The following AMBRA1 variants were observed in gnomAD, a reference collection of about 807,000 sequenced individuals.
The protein encoded by AMBRA1 is autophagy and beclin 1 regulator 1.
Under a neutral mutation model 125.4 loss-of-function variants are expected in AMBRA1, and 47 were observed. The ratio of observed to expected loss-of-function variants is 0.37; its 90% CI spans 0.30 to 0.48. The LOEUF (loss-of-function observed/expected upper bound fraction) is 0.48. Among genes scored for constraint, AMBRA1 ranks in the 20% least tolerant of loss-of-function variants. The pLI is 0.99. For missense variants in AMBRA1, 1,331 were observed against 1,693.4 expected (o/e 0.79, Z 3.76); for synonymous variants, 626 against 655.5 (o/e 0.95, Z 0.69).
chr11:46,458,545 T>C (rs764079041), intron 11 of AMBRA1, among the ~76,000 whole-genome samples: 1 of 152,244 alleles, frequency 6.6e-6, no homozygotes, highest in Admixed American at 6.5e-5. Context: ...CTTCTTGAGA[T>C]GGTGAACTCC....
At position 46,542,104 on chromosome 11, in the gene AMBRA1, G is replaced by C. The variant is rs563547277; in HGVS notation, c.1913C>G (p.Ala638Gly). 16 of 1,613,964 alleles carry C rather than the reference G, an allele frequency of 9.9e-6. No homozygotes were observed. The highest frequency in any genetic ancestry group is 1.4e-5 in the Non-Finnish European group (16 of 1,179,948). The change falls in exon 7 of 18, where the codon GCT (alanine) becomes GGT (glycine). Residue 638 changes from alanine (A) to glycine (G), a missense_variant. Physicochemically the swap from Ala to Gly is moderately conservative, Grantham distance 60 (BLOSUM62 0). Around this residue, in one of 4 missense-constraint regions of AMBRA1, gnomAD observed 689 missense variants for 776.5 expected, o/e 0.89. Transcript: ENST00000683756. This position sits in a 1 kb window ranked among gnomAD's most constrained non-coding sequence, Gnocchi z 5.9. ...SSSRLELSSS[A>G]SPQEERTVGV... The stretch of plus-strand genomic sequence containing the variant: ...CACAGTCCTCTCCTCCTGCGGACTA[G>C]CAGAGCTGCTCAACTCCAGCCTGCT...
chr11:46,470,248 C>A (rs1377468924), intron 11 of AMBRA1, among the ~76,000 whole-genome samples: 1 of 151,972 alleles, frequency 6.6e-6, no homozygotes, highest in Non-Finnish European at 1.5e-5. Context: ...CAAGACCAGC[C>A]TGAGCAACAT....
intron 1 of AMBRA1, among the ~76,000 whole-genome samples, chr11:46,577,707 T>C (rs1190082880): frequency 6.6e-6 from 1 of 151,888 alleles, no homozygotes; most frequent in Non-Finnish European, 1.5e-5. Context: ...TGCCAGCACT[T>C]TGGGAGGCCG....
chr11:46,434,879 G>C lies in AMBRA1; in HGVS notation c.2791C>G (p.Leu931Val), dbSNP rs1051125439. 1.2e-6 allele frequency: 2 copies of C among 1,613,080 alleles called. No individual in the cohort carries two copies. Among genetic ancestry groups the C allele is most frequent in the Non-Finnish European group, 8.5e-7 (1 of 1,179,598 alleles). The stretch of plus-strand genomic sequence containing the variant: ...CGCTTGGTGTAGAGCATTTCGCCCA[G>C]GTTATGGGGGGCCAGGGAGTACACT... ...LAVYSLAPHN[L>V]GEMLYTKRFG... The change falls in exon 13 of 18, where the codon CTG becomes GTG. Residue 931 changes from leucine to valine, a missense_variant. Transcript: ENST00000683756.
chr11:46,482,361 G>A (rs991214620), intron 11 of AMBRA1, among the ~76,000 whole-genome samples: 2 of 152,184 alleles, frequency 1.3e-5, no homozygotes, highest in African/African-American at 2.4e-5. Flanking sequence ...ATATTTCCAT[G>A]TCATTCCTTT....
chr11:46,514,569 C>A (rs931162785), intron 7 of AMBRA1, among the ~76,000 whole-genome samples: 6 of 152,178 alleles, frequency 3.9e-5, no homozygotes, highest in African/African-American at 1.2e-4. Flanking sequence ...TTCTAAGACA[C>A]ACTTTTCACC....
intron 17 of AMBRA1, among the ~76,000 whole-genome samples, chr11:46,398,295 T>C (rs1315560576): frequency 6.6e-6 from 1 of 152,148 alleles, no homozygotes; most frequent in African/African-American, 2.4e-5. Flanking sequence ...GTCTGCCTGC[T>C]CCCTGTTGTG....
chr11:46,533,933 T>C (rs1952336499), intron 7 of AMBRA1, among the ~76,000 whole-genome samples: 1 of 151,894 alleles, frequency 6.6e-6, no homozygotes, highest in African/African-American at 2.4e-5. Context: ...TCAGAGATTT[T>C]GCATTCGCCC....
chr11:46,492,812 G>C (rs1405935793), intron 11 of AMBRA1, among the ~76,000 whole-genome samples: 1 of 152,240 alleles, frequency 6.6e-6, no homozygotes, highest in Non-Finnish European at 1.5e-5. Flanking sequence ...CACTTCGGGA[G>C]GCTGAGGCAG....
chr11:46,542,179 C>A lies in AMBRA1; in HGVS notation c.1838G>T (p.Gly613Val), dbSNP rs763230511. The change falls in exon 7 of 18, where the codon GGC (glycine) becomes GTC (valine). Residue 613 changes from glycine (G) to valine (V), a missense_variant. By Grantham distance (109) the Gly-to-Val change is moderately radical. Around this residue, in one of 4 missense-constraint regions of AMBRA1, gnomAD observed 689 missense variants for 776.5 expected, o/e 0.89. Coordinates refer to ENST00000683756, the MANE Select transcript of AMBRA1 (RefSeq NM_001387011.1). The surrounding 1 kb of genome is among the most constrained non-coding windows in gnomAD (Gnocchi z 5.9). ...CCGCTCGAGAGGTGGCAACTGGCTGCCACTTGATGGCACACTCTCAAAGGA... is the reference window on the plus strand; with the variant it reads ...CCGCTCGAGAGGTGGCAACTGGCTGACACTTGATGGCACACTCTCAAAGGA... ...PSSFESVPSS[G>V]SQLPPLERTE... 14 of 1,613,694 alleles carry A rather than the reference C, an allele frequency of 8.7e-6. No homozygotes were observed. In the South Asian group the frequency reaches 1.5e-4, roughly 18 times the overall value.
At chr11:46,455,307 C>A (rs1468466005) in intron 11 of AMBRA1, among the ~76,000 whole-genome samples, 1 of 152,140 alleles carries the variant, frequency 6.6e-6, no homozygotes, top group Admixed American at 6.5e-5. Flanking sequence ...AAATCTCAAG[C>A]TCTACTCATT....
chr11:46,475,054 T>A (rs1949762949), intron 11 of AMBRA1, among the ~76,000 whole-genome samples: 1 of 151,982 alleles, frequency 6.6e-6, no homozygotes, highest in South Asian at 2.1e-4. Context: ...GTGAGGTGAA[T>A]TGAATATATC....
intron 9 of AMBRA1, among the ~76,000 whole-genome samples, chr11:46,499,052 C>T (rs955328597): frequency 1.3e-5 from 2 of 152,156 alleles, no homozygotes; most frequent in Admixed American, 1.3e-4. Context: ...GGCACAGCCC[C>T]AGCTGATATC....
chr11:46,543,839 A>C (rs1952869944), intron 6 of AMBRA1, 136 bp downstream of exon 6: 7 of 757,364 alleles, frequency 9.2e-6, no homozygotes, highest in Non-Finnish European at 1.5e-5. Flanking sequence ...ATACAGTCTG[A>C]AGCTAGCTTT....
intron 17 of AMBRA1, among the ~76,000 whole-genome samples, chr11:46,399,668 A>G (rs1446058912): frequency 2.0e-5 from 3 of 152,178 alleles, no homozygotes; most frequent in African/African-American, 7.2e-5. Flanking sequence ...CCTGGTCAGA[A>G]GCTGAGAGTT....
chr11:46,444,439 A>G (rs915555058), intron 11 of AMBRA1, among the ~76,000 whole-genome samples: 5 of 152,220 alleles, frequency 3.3e-5, no homozygotes, highest in Non-Finnish European at 7.3e-5. Flanking sequence ...TTTCATTTAC[A>G]TGAACATGTC....
At chr11:46,582,403 C>T (rs2044206713) in intron 1 of AMBRA1, among the ~76,000 whole-genome samples, 1 of 152,128 alleles carries the variant, frequency 6.6e-6, no homozygotes, top group African/African-American at 2.4e-5. Context: ...TTTTATTCTT[C>T]TGTCATAGGT....
chr11:46,592,512 C>T (rs2044639684), intron 1 of AMBRA1, among the ~76,000 whole-genome samples: 1 of 152,120 alleles, frequency 6.6e-6, no homozygotes. Context: ...AATTCCAGCA[C>T]TTTGAGAGGC....
chr11:46,512,664 A>G, intron 8 of AMBRA1, 63 bp downstream of exon 8: 1 of 1,377,222 alleles, frequency 7.3e-7, no homozygotes, highest in South Asian at 1.2e-5. Flanking sequence ...AGCTTCCAAC[A>G]GTGTGGCAAC....
Sources: gnomAD v4.1 joint callset for allele counts (sites outside exome capture counted in the v4.1 genomes callset) on GRCh38, gnomAD v4.1.1 for gene constraint, gnomAD v4.1.1 regional missense constraint, Gnocchi (gnomAD v3.1) non-coding constraint, MANE v1.5 for transcripts, NCBI Gene and HGNC (gene_info 2026-07-23, HGNC 2026-07-21) for gene names.